Variants in THSD7A observed in about 807,000 individuals in gnomAD.
The protein encoded by THSD7A is thrombospondin type 1 domain containing 7A, also known as thrombospondin type-1 domain-containing protein 7A.
A neutral mutation model predicts 231.3 loss-of-function variants in THSD7A; 96 were observed. The ratio of observed to expected loss-of-function variants is 0.41; its 90% CI spans 0.35 to 0.49. The LOEUF (loss-of-function observed/expected upper bound fraction) is 0.49, where lower values mean the gene tolerates loss of function less well. Among genes scored for constraint, THSD7A ranks in the 20% least tolerant of loss-of-function variants. THSD7A has a pLI of 0.05. For synonymous variants in THSD7A, 940 were observed against 743.3 expected (o/e 1.26, Z -4.30); for missense variants, 2,290 against 2,070.2 (o/e 1.11, Z -2.06).
chr7:11,740,675 C>T (rs573150901), intron 1 of THSD7A, among the ~76,000 whole-genome samples: 46 of 151,986 alleles, frequency 3.0e-4, no homozygotes, highest in African/African-American at 1.0e-3. Context: ...GAAATGCTCT[C>T]CCTGTTCAGT....
At chr7:11,686,003 G>A (rs1780038283) in intron 1 of THSD7A, among the ~76,000 whole-genome samples, 1 of 151,826 alleles carries the variant, frequency 6.6e-6, no homozygotes, top group Non-Finnish European at 1.5e-5. Context: ...TAAAGAAAAT[G>A]TACATATACA....
intron 23 of THSD7A, among the ~76,000 whole-genome samples, chr7:11,389,654 T>G (rs918921663): frequency 9.9e-5 from 15 of 152,016 alleles, no homozygotes; most frequent in Non-Finnish European, 2.2e-4. Flanking sequence ...ATGAATATGA[T>G]CCTGTCATTG....
intron 1 of THSD7A, among the ~76,000 whole-genome samples, chr7:11,817,142 G>C (rs1042899739): frequency 6.6e-6 from 1 of 152,098 alleles, no homozygotes. Flanking sequence ...TGTGAAAGTA[G>C]GATATTCATA....
intron 4 of THSD7A, among the ~76,000 whole-genome samples, chr7:11,544,994 C>T (rs2107477): frequency 0.82 from 124,544 of 151,790 alleles, 51,594 homozygotes; most frequent in African/African-American, 0.92. Flanking sequence ...CAGAAGTGTT[C>T]AGCACACTAA....
At chr7:11,602,681 C>T (rs1254311350) in intron 2 of THSD7A, among the ~76,000 whole-genome samples, 3 of 151,744 alleles carry the variant, frequency 2.0e-5, no homozygotes, top group African/African-American at 4.8e-5. Context: ...TTGAAGGCCT[C>T]GGTCTGATTC....
intron 6 of THSD7A, among the ~76,000 whole-genome samples, chr7:11,532,961 T>C (rs1788765340): frequency 6.6e-6 from 1 of 152,122 alleles, no homozygotes; most frequent in African/African-American, 2.4e-5. Flanking sequence ...GAGAAAGACT[T>C]ACGTGATTCA....
At chr7:11,385,227 G>C (rs1275520413) in intron 23 of THSD7A, 1 of 151,552 alleles carries the variant, frequency 6.6e-6, no homozygotes, top group African/African-American at 2.4e-5. Context: ...TGTCTAAAAT[G>C]TGAAATTCAT....
intron 23 of THSD7A, among the ~76,000 whole-genome samples, chr7:11,397,629 T>C (rs370528249): frequency 2.0e-5 from 3 of 152,222 alleles, no homozygotes; most frequent in African/African-American, 7.2e-5. Context: ...AACCTGCTGA[T>C]TGGGAGAAAA....
chr7:11,563,412 T>A (rs1487082131), intron 4 of THSD7A, among the ~76,000 whole-genome samples: 1 of 152,160 alleles, frequency 6.6e-6, no homozygotes, highest in Admixed American at 6.5e-5. Context: ...CAGGTTGGAG[T>A]GCAGTGGCGT....
intron 4 of THSD7A, among the ~76,000 whole-genome samples, chr7:11,545,358 A>G (rs1447293094): frequency 6.6e-6 from 1 of 152,122 alleles, no homozygotes; most frequent in Non-Finnish European, 1.5e-5. Context: ...ATCTTATTAG[A>G]GTCTGAATTT....
In THSD7A at chr7:11,705,493, C is replaced by T. The variant is rs550211626; in HGVS notation, c.191-68532G>A. Among the ~76,000 whole-genome samples, 4 of 150,988 alleles carry T rather than the reference C, an allele frequency of 2.6e-5. No homozygotes were observed. In the Admixed American group the frequency reaches 2.7e-4, roughly 10 times the overall value. ...TTCTAGGAATCATATTTCTCTGTGT[C>T]TTCTATTTGCTCTTCACTCTCCTTT... On this transcript the variant is annotated intron_variant, in intron 1 of 27. Transcript: ENST00000423059.
intron 8 of THSD7A, among the ~76,000 whole-genome samples, chr7:11,473,400 G>A (rs141280922): frequency 6.6e-6 from 1 of 152,066 alleles, no homozygotes; most frequent in African/African-American, 2.4e-5. Flanking sequence ...GTTGGCCAGA[G>A]TAAGTTAGGT....
chr7:11,807,396 T>G (rs183460236), intron 1 of THSD7A, among the ~76,000 whole-genome samples: 1 of 152,286 alleles, frequency 6.6e-6, no homozygotes, highest in Non-Finnish European at 1.5e-5. Flanking sequence ...AATATACTAC[T>G]TATTTGGGGT....
intron 1 of THSD7A, among the ~76,000 whole-genome samples, chr7:11,719,176 T>C (rs1781255622): frequency 6.6e-6 from 1 of 151,464 alleles, no homozygotes; most frequent in Non-Finnish European, 1.5e-5. Context: ...GATTAGCAAA[T>C]TTCTCTACTT....
chr7:11,550,305 A>C (rs1280545870), intron 4 of THSD7A, among the ~76,000 whole-genome samples: 1 of 152,142 alleles, frequency 6.6e-6, no homozygotes, highest in African/African-American at 2.4e-5. Flanking sequence ...CTAGAATGAG[A>C]GTTACAAAAC....
chr7:11,514,860 C>A (rs1583885646), intron 6 of THSD7A, among the ~76,000 whole-genome samples: 1 of 152,212 alleles, frequency 6.6e-6, no homozygotes, highest in East Asian at 1.9e-4. Context: ...ACTATGACTG[C>A]ACGAAAGCTC....
At chr7:11,532,054 C>A (rs1156559155) in intron 6 of THSD7A, among the ~76,000 whole-genome samples, 1 of 151,914 alleles carries the variant, frequency 6.6e-6, no homozygotes, top group African/African-American at 2.4e-5. Flanking sequence ...CAATAAGTGA[C>A]CATTCAGCTG....
At chr7:11,731,732 C>T (rs1369653017) in intron 1 of THSD7A, among the ~76,000 whole-genome samples, 1 of 151,616 alleles carries the variant, frequency 6.6e-6, no homozygotes, top group Non-Finnish European at 1.5e-5. Context: ...TGGAGGAAAT[C>T]AAGGTATAGA....
chr7:11,460,883 T>G (rs934425167), intron 10 of THSD7A, 118 bp from the exon 11 acceptor site: 11 of 699,998 alleles, frequency 1.6e-5, no homozygotes, highest in Admixed American at 2.7e-5. Flanking sequence ...TTAGCAATGC[T>G]CAGTTCTATC....
Sources: allele counts gnomAD v4.1 joint callset (sites outside exome capture counted in the v4.1 genomes callset), GRCh38; gene constraint gnomAD v4.1.1; transcripts MANE v1.5; gene names NCBI Gene and HGNC (gene_info 2026-07-23, HGNC 2026-07-21).